CD2AP: variants seen among roughly 807,000 people sequenced by gnomAD.
CD2AP encodes CD2-associated protein.
In CD2AP, 46 loss-of-function variants were observed where a neutral mutation model predicts 85.1. That is an observed-to-expected ratio of 0.54 (90% confidence interval 0.43 to 0.69). CD2AP has a LOEUF of 0.69. CD2AP is among the 30% of genes least tolerant of loss of function. The probability of loss-of-function intolerance (pLI) is 0.00; values close to 1 mark genes in which losing one functional copy is unlikely to be tolerated. For missense variants in CD2AP, 769 were observed against 729.5 expected, an observed-to-expected ratio of 1.05 and a Z score of -0.62; for synonymous variants, 255 against 252.9, an observed-to-expected ratio of 1.01 and a Z score of -0.08.
intron 3 of CD2AP, among the ~76,000 whole-genome samples, chr6:47,544,340 G>A (rs1189710336): frequency 6.6e-6 from 1 of 152,066 alleles, no homozygotes. Context: ...CTCAAAAATG[G>A]TAATGGGTAT....
chr6:47,497,332 T>TTTCCC (rs1211344061), intron 1 of CD2AP, among the ~76,000 whole-genome samples: 10 of 143,874 alleles, frequency 7.0e-5, no homozygotes, highest in Non-Finnish European at 1.1e-4. Flanking sequence ...TTTCCTTTCC[T>TTTCCC]TTCCCTTCCC....
chr6:47,577,392 A>G (rs1285368510), intron 8 of CD2AP, among the ~76,000 whole-genome samples: 1 of 151,806 alleles, frequency 6.6e-6, no homozygotes, highest in East Asian at 1.9e-4. Context: ...ATTAACCTCA[A>G]CTTCCCAGGT....
In CD2AP at chr6:47,624,785, G is replaced by A. The variant is rs976138904; in HGVS notation, c.*558G>A. On this transcript the variant is annotated 3_prime_UTR_variant, in exon 18 of 18. Transcript: ENST00000359314. ...GAAGGTTACACTGTTGTGCCTGTTT[G>A]TCTGCAATGCTGTTTATATTTTGGG... 3 of 150,810 alleles carry A rather than the reference G, an allele frequency of 2.0e-5. No individual in the cohort carries two copies. Among genetic ancestry groups the A allele is most frequent in the Non-Finnish European group, 4.4e-5 (3 of 67,828 alleles). 9.3% of individuals were successfully genotyped at this position (150,810 alleles called of 1,614,324 possible). A position where few individuals can be genotyped will look rare whatever the true frequency, so the allele number is the denominator to read the frequency against.
At chr6:47,609,380 A>G (rs982988041) in intron 16 of CD2AP, 76 bp downstream of exon 16, 1 of 1,213,738 alleles carries the variant, frequency 8.2e-7, no homozygotes. Flanking sequence ...CATATTAAGT[A>G]AAAATCTAAT....
chr6:47,525,754 G>A (rs1766704461), intron 2 of CD2AP, among the ~76,000 whole-genome samples: 1 of 152,016 alleles, frequency 6.6e-6, no homozygotes, highest in African/African-American at 2.4e-5. Flanking sequence ...TTATCCTCTT[G>A]TTGTACTACC....
rs767008547 is a variant in CD2AP at position 47,624,275 on chromosome 6, G to T, written c.*48G>T. 1 of 1,422,720 alleles carries T rather than the reference G, an allele frequency of 7.0e-7. No individual in the cohort carries two copies. The highest frequency in any genetic ancestry group is 1.2e-5 in the South Asian group (1 of 86,742). 88.1% of individuals were successfully genotyped at this position (1,422,720 alleles called of 1,614,324 possible). A position where few individuals can be genotyped will look rare whatever the true frequency, so the allele number is the denominator to read the frequency against. On this transcript the variant is annotated 3_prime_UTR_variant, in exon 18 of 18. Coordinates refer to ENST00000359314, the MANE Select transcript of CD2AP (RefSeq NM_012120.3). ...AATGTTCCAGGGATTCAGAAGCAACGCTATGAACTTCAGCTGACTTGTTAC... is the reference window on the plus strand; with the variant it reads ...AATGTTCCAGGGATTCAGAAGCAACTCTATGAACTTCAGCTGACTTGTTAC...
intron 16 of CD2AP, 77 bp from the exon 17 acceptor site, chr6:47,612,396 A>G (rs1222137449): frequency 5.8e-6 from 6 of 1,038,556 alleles, no homozygotes; most frequent in East Asian, 5.1e-5. Context: ...TAGGTTAGGT[A>G]ACAAAAAGCC....
At position 47,615,812 on chromosome 6, in the gene CD2AP, T is replaced by TATTTATTC. The variant is rs1468935235; in HGVS notation, c.1878+3283_1878+3284insCATTTATT. On this transcript the variant is annotated intron_variant, in intron 17 of 17. Coordinates refer to ENST00000359314, the MANE Select transcript of CD2AP (RefSeq NM_012120.3). Reference sequence around the variant, plus strand: ...AATTTAATTTATTTATTTATTTATTTATTTATTTATTTATTTATTAGCAGT... The same window carrying TATTTATTC: ...AATTTAATTTATTTATTTATTTATTTATTTATTCATTTATTTATTTATTTATTAGCAGT... 9.4e-5 allele frequency among the ~76,000 whole-genome samples: 14 copies of TATTTATTC among 149,138 alleles called. No homozygotes were observed. The East Asian group carries it at 2.3e-3, about 25-fold the overall frequency.
At chr6:47,577,171 A>G in intron 8 of CD2AP, 68 bp downstream of exon 8, 1 of 857,638 alleles carries the variant, frequency 1.2e-6, no homozygotes, top group South Asian at 1.4e-5. Flanking sequence ...AAAGTTATAC[A>G]TTCACCCTAG....
At chr6:47,502,856 A>G (rs371968297) in intron 1 of CD2AP, among the ~76,000 whole-genome samples, 41 of 152,260 alleles carry the variant, frequency 2.7e-4, no homozygotes, top group African/African-American at 9.9e-4. Flanking sequence ...TATAGGAGTG[A>G]GACATTACGC....
intron 8 of CD2AP, among the ~76,000 whole-genome samples, chr6:47,577,867 C>T (rs909067072): frequency 3.3e-5 from 5 of 152,018 alleles, no homozygotes; most frequent in Admixed American, 1.3e-4. Flanking sequence ...TGTGAGCTAC[C>T]ACACCTGGCC....
rs9395287 is a variant in CD2AP, at chr6:47,609,328, G to A, written c.1814+24G>A. 1,030,465 of 1,568,442 alleles carry A rather than the reference G, an allele frequency of 0.66. 344,411 individuals carry two copies. Among genetic ancestry groups the A allele is most frequent in the Middle Eastern group, 0.7 (3,825 of 5,474 alleles). ...GGGTAAGTAGCCCTTCTTTTCTCCT[G>A]TGAGTACTACTTAACCCATGCATAA... On this transcript the variant is annotated intron_variant, in intron 16 of 17. Coordinates refer to ENST00000359314, the MANE Select transcript of CD2AP (RefSeq NM_012120.3).
At chr6:47,602,182 CTT>C (rs1202237018) in intron 13 of CD2AP, among the ~76,000 whole-genome samples, 3 of 151,700 alleles carry the variant, frequency 2.0e-5, no homozygotes, top group Admixed American at 1.3e-4. Context: ...TGCAGACTGA[CTT>C]TTGTACATGT....
chr6:47,609,157 C>T lies in CD2AP; in HGVS notation c.1667C>T (p.Ser556Phe), dbSNP rs1769356214. The change falls in exon 16 of 18, where the codon TCT (serine) becomes TTT (phenylalanine). Residue 556 changes from serine (S) to phenylalanine (F), a missense_variant. By Grantham distance (155) the Ser-to-Phe change is radical. Coordinates refer to ENST00000359314, the MANE Select transcript of CD2AP (RefSeq NM_012120.3). ...TACCTTTCAACACCTTCCAGTGCTT[C>T]TAAAGCAAATACAACTGCTTTCCTG... ...SVYLSTPSSA[S>F]KANTTAFLTP... 2 of 1,613,308 alleles carry T rather than the reference C, an allele frequency of 1.2e-6. No homozygotes were observed. Among genetic ancestry groups the T allele is most frequent in the South Asian group, 2.2e-5 (2 of 91,058 alleles).
intron 2 of CD2AP, among the ~76,000 whole-genome samples, chr6:47,511,169 T>C (rs1766305469): frequency 6.6e-6 from 1 of 151,472 alleles, no homozygotes; most frequent in Admixed American, 6.6e-5. Context: ...AATACTGCCT[T>C]TACCAAGTGG....
At chr6:47,490,014 C>T (rs535884740) in intron 1 of CD2AP, among the ~76,000 whole-genome samples, 17 of 140,980 alleles carry the variant, frequency 1.2e-4, no homozygotes, top group South Asian at 4.4e-4. Context: ...CTTGCTCTGT[C>T]GCCTAGGCTG....
At chr6:47,479,733 A>G (rs1485093053) in intron 1 of CD2AP, among the ~76,000 whole-genome samples, 4 of 152,176 alleles carry the variant, frequency 2.6e-5, no homozygotes, top group Non-Finnish European at 5.9e-5. Flanking sequence ...ACTTTGGATG[A>G]CCTGGGGATG....
chr6:47,613,542 G>A (rs1005117377), intron 17 of CD2AP, among the ~76,000 whole-genome samples: 2 of 151,066 alleles, frequency 1.3e-5, no homozygotes, highest in Non-Finnish European at 2.9e-5. Flanking sequence ...GGTCTCCACT[G>A]TGGGCTTAAA....
At chr6:47,589,740 T>C (rs1450758396) in intron 11 of CD2AP, among the ~76,000 whole-genome samples, 1 of 151,898 alleles carries the variant, frequency 6.6e-6, no homozygotes, top group Non-Finnish European at 1.5e-5. Context: ...GCTTAGCCTA[T>C]GAAAAGAACT....
Sources: allele counts gnomAD v4.1 joint callset (sites outside exome capture counted in the v4.1 genomes callset), GRCh38; gene constraint gnomAD v4.1.1; transcripts MANE v1.5; gene names NCBI Gene and HGNC (gene_info 2026-07-23, HGNC 2026-07-21).